The following PRKAR2A variants were observed in gnomAD, a reference collection of about 807,000 sequenced individuals.
PRKAR2A encodes the protein cAMP-dependent protein kinase type II-alpha regulatory subunit.
PRKAR2A carries 29 observed loss-of-function variants against 51.9 expected under a neutral mutation model. The observed-to-expected ratio is 0.56, with a 90% CI of 0.42 to 0.76. PRKAR2A has a LOEUF of 0.76. PRKAR2A is among the 30% of genes least tolerant of loss of function. The pLI, the probability that PRKAR2A is intolerant of heterozygous loss-of-function variation, is 0.00. For synonymous variants in PRKAR2A, 178 were observed against 186.2 expected (o/e 0.96, Z 0.36); for missense variants, 445 against 512.1 (o/e 0.87, Z 1.26).
At chr3:48,829,847 G>GTGTATATATATATATA (rs777532795) in intron 1 of PRKAR2A, among the ~76,000 whole-genome samples, 12 of 63,738 alleles carry the variant, frequency 1.9e-4, no homozygotes, top group East Asian at 5.9e-4. Flanking sequence ...ATGCGTGTGT[G>GTGTATATATATATATA]TATATATATA....
intron 3 of PRKAR2A, among the ~76,000 whole-genome samples, chr3:48,792,824 G>A (rs2082412901): frequency 6.6e-6 from 1 of 151,928 alleles, no homozygotes; most frequent in South Asian, 2.1e-4. Context: ...TTTATGTTGG[G>A]AGGCTGAGGC....
chr3:48,840,788 G>A (rs1387558188), intron 1 of PRKAR2A, among the ~76,000 whole-genome samples: 1 of 150,312 alleles, frequency 6.7e-6, no homozygotes, highest in Non-Finnish European at 1.5e-5. Context: ...GTGTTAGCCA[G>A]GATGGTCTCA....
intron 2 of PRKAR2A, among the ~76,000 whole-genome samples, chr3:48,798,332 C>T (rs913067249): frequency 6.6e-6 from 1 of 152,194 alleles, no homozygotes; most frequent in Non-Finnish European, 1.5e-5. Context: ...TCAAAGGCAT[C>T]TAACCAGACA....
At position 48,847,430 on chromosome 3, in the gene PRKAR2A, C is replaced by T; in HGVS notation, c.167G>A (p.Arg56His). Residue 56 changes from arginine to histidine, a missense_variant, in exon 1 of 11, where the codon CGC becomes CAC. Coordinates refer to ENST00000265563, the MANE Select transcript of PRKAR2A (RefSeq NM_004157.4). This position sits in a 1 kb window ranked among gnomAD's most constrained non-coding sequence, Gnocchi z 4.4. ...TGGCGGGGGGTGGCCCAGGCTCTGG[C>T]GTGGGGTGGCGGCGGGCAGGACTGA... The part of the protein sequence containing the change: ...PASVLPAATP[R>H]QSLGHPPPEP... The T allele has an allele frequency of 6.3e-7, 1 of 1,586,708 alleles. No homozygotes were observed. The highest frequency in any genetic ancestry group is 1.1e-5 in the South Asian group (1 of 87,936).
At chr3:48,800,531 T>TAC (rs534797511) in intron 2 of PRKAR2A, among the ~76,000 whole-genome samples, 4,668 of 148,166 alleles carry the variant, frequency 0.032, 130 homozygotes, top group South Asian at 0.076. Flanking sequence ...AAAAACTATA[T>TAC]ACACACACAC....
intron 1 of PRKAR2A, among the ~76,000 whole-genome samples, chr3:48,842,267 T>A (rs572880792): frequency 4.6e-5 from 7 of 152,232 alleles, no homozygotes; most frequent in African/African-American, 1.7e-4. Flanking sequence ...TGATTTTGTA[T>A]CCTGAGACTT....
intron 6 of PRKAR2A, among the ~76,000 whole-genome samples, chr3:48,771,053 C>T (rs1466884195): frequency 6.6e-6 from 1 of 151,860 alleles, no homozygotes; most frequent in Non-Finnish European, 1.5e-5. Flanking sequence ...TGGTGAAACT[C>T]CATTTCTACT....
At chr3:48,791,113 C>T (rs1429891577) in intron 3 of PRKAR2A, among the ~76,000 whole-genome samples, 1 of 151,512 alleles carries the variant, frequency 6.6e-6, no homozygotes, top group East Asian at 1.9e-4. Context: ...GTGGTAAAAC[C>T]CTGTCTTTAC....
chr3:48,840,955 C>T (rs1468044826), intron 1 of PRKAR2A, among the ~76,000 whole-genome samples: 1 of 145,760 alleles, frequency 6.9e-6, no homozygotes, highest in Non-Finnish European at 1.5e-5. Context: ...GATCTCCGCT[C>T]ACTGAAACCT....
intron 9 of PRKAR2A, 61 bp from the exon 10 acceptor site, chr3:48,752,378 T>C (rs1053355136): frequency 6.4e-7 from 1 of 1,553,358 alleles, no homozygotes; most frequent in South Asian, 1.2e-5. Flanking sequence ...GCATGTCCAG[T>C]TGCACACACA....
intron 8 of PRKAR2A, among the ~76,000 whole-genome samples, chr3:48,760,365 A>G (rs1422956346): frequency 6.6e-6 from 1 of 152,046 alleles, no homozygotes; most frequent in Non-Finnish European, 1.5e-5. Flanking sequence ...CTCAAAAAAC[A>G]AAACAAAACA....
rs1448070820 is a variant in PRKAR2A, at chr3:48,750,064, A to T, written c.*1521T>A. The T allele has an allele frequency of 2.0e-5, 3 of 151,416 alleles. No individual in the cohort carries two copies. Among genetic ancestry groups the T allele is most frequent in the African/African-American group, 7.3e-5 (3 of 41,178 alleles). The allele number at this position is 151,416 out of a possible 1,614,324, so 9.4% of individuals were successfully genotyped here. A position where few individuals can be genotyped will look rare whatever the true frequency, so the allele number is the denominator to read the frequency against. On this transcript the variant is annotated 3_prime_UTR_variant, in exon 11 of 11. Coordinates refer to ENST00000265563, the MANE Select transcript of PRKAR2A (RefSeq NM_004157.4). ...CATGCATCACCACACCTGACAAATT[A>T]AAAAAAAATTTTTTTTTTGCCAGGT...
At chr3:48,770,573 G>A (rs2082015168) in intron 6 of PRKAR2A, among the ~76,000 whole-genome samples, 2 of 152,100 alleles carry the variant, frequency 1.3e-5, no homozygotes, top group Admixed American at 6.6e-5. Context: ...GGAAGAGTCT[G>A]GGCTTGCAAA....
intron 2 of PRKAR2A, among the ~76,000 whole-genome samples, chr3:48,800,774 C>T (rs7641706): frequency 0.015 from 2,260 of 151,896 alleles, 35 homozygotes; most frequent in Non-Finnish European, 0.023. Flanking sequence ...CCCGGGTTCA[C>T]GCCATTCTCC....
chr3:48,787,297 T>C (rs989758428), intron 4 of PRKAR2A, among the ~76,000 whole-genome samples: 4 of 152,126 alleles, frequency 2.6e-5, no homozygotes, highest in African/African-American at 9.7e-5. Context: ...GCGATTCTTC[T>C]GCCTCAGCCT....
Position 48,806,795 on chromosome 3 carries a change from A to G in PRKAR2A, c.298+854T>C, listed in dbSNP as rs141273843. ...AAGCATTCTTTTTTTTTTTTGAGAC[A>G]GAGTCTCACTCTGTTGCCCAGGCTG... is the stretch of plus-strand genomic sequence containing the variant. On this transcript the variant is annotated intron_variant, in intron 2 of 10. Coordinates refer to ENST00000265563, the MANE Select transcript of PRKAR2A (RefSeq NM_004157.4). Among the ~76,000 whole-genome samples the G allele has an allele frequency of 3.3e-5, 5 of 151,878 alleles. No homozygotes were observed. In the East Asian group the frequency reaches 9.7e-4, roughly 29 times the overall value.
intron 3 of PRKAR2A, 150 bp from the exon 4 acceptor site, chr3:48,790,777 T>C (rs557474201): frequency 1.0e-4 from 51 of 509,738 alleles, no homozygotes; most frequent in Non-Finnish European, 1.4e-4. Context: ...AGCTGCATGC[T>C]AAAGGTGGAG....
intron 6 of PRKAR2A, among the ~76,000 whole-genome samples, chr3:48,769,480 CTTT>C (rs540463001): frequency 1.2e-4 from 17 of 142,562 alleles, no homozygotes; most frequent in Non-Finnish European, 2.3e-4. Flanking sequence ...CTTACAGCGA[CTTT>C]TTTTTTTTTT....
In PRKAR2A at chr3:48,760,831, G is replaced by A. The variant is rs1459063281; in HGVS notation, c.873+4173C>T. On this transcript the variant is annotated intron_variant, in intron 8 of 10. Coordinates refer to ENST00000265563, the MANE Select transcript of PRKAR2A (RefSeq NM_004157.4). ...GCCTGGGCAACAAGAGCAAAACTCCGTCTCAAAAAAAAAAAAAAAAAAATT... is the reference window on the plus strand; with the variant it reads ...GCCTGGGCAACAAGAGCAAAACTCCATCTCAAAAAAAAAAAAAAAAAAATT... Among the ~76,000 whole-genome samples, 6 of 133,646 alleles carry A rather than the reference G, an allele frequency of 4.5e-5. No homozygotes were observed. The East Asian group carries it at 8.6e-4, about 19-fold the overall frequency. The allele number at this position is 133,646 out of a possible 152,430, so 87.7% of individuals were successfully genotyped here.
Sources: gnomAD v4.1 joint callset for allele counts (sites outside exome capture counted in the v4.1 genomes callset) on GRCh38, gnomAD v4.1.1 for gene constraint, Gnocchi (gnomAD v3.1) non-coding constraint, MANE v1.5 for transcripts, NCBI Gene and HGNC (gene_info 2026-07-23, HGNC 2026-07-21) for gene names.